Variants in PDE3A observed in about 807,000 individuals in gnomAD.
PDE3A encodes cGMP-inhibited 3',5'-cyclic phosphodiesterase 3A.
A neutral mutation model predicts 98.3 loss-of-function variants in PDE3A; 43 were observed. The observed-to-expected ratio is 0.44, with a 90% CI of 0.34 to 0.56. PDE3A has a LOEUF of 0.56. PDE3A is among the 20% of genes least tolerant of loss of function. PDE3A has a pLI of 0.01. For synonymous variants in PDE3A, 663 were observed against 567.9 expected, an observed-to-expected ratio of 1.17 and a Z score of -2.38; for missense variants, 1,427 against 1,440.7, an observed-to-expected ratio of 0.99 and a Z score of 0.15.
At chr12:20,419,688 ATAATT>A (rs568129653) in intron 1 of PDE3A, among the ~76,000 whole-genome samples, 62 of 151,700 alleles carry the variant, frequency 4.1e-4, no homozygotes, top group African/African-American at 1.4e-3. Context: ...TACTTAATAA[ATAATT>A]TATTTTAAAT....
At chr12:20,381,520 G>T (rs1391110956) in intron 1 of PDE3A, among the ~76,000 whole-genome samples, 2 of 151,822 alleles carry the variant, frequency 1.3e-5, no homozygotes, top group African/African-American at 4.8e-5. Context: ...TGGAAGCTGG[G>T]CAGGAAATCC....
chr12:20,398,730 T>A (rs1944066746), intron 1 of PDE3A, among the ~76,000 whole-genome samples: 1 of 152,262 alleles, frequency 6.6e-6, no homozygotes, highest in South Asian at 2.1e-4. Flanking sequence ...AAACCAAAAC[T>A]TTTGTTTACT....
intron 15 of PDE3A, among the ~76,000 whole-genome samples, chr12:20,662,059 A>G (rs1352582485): frequency 1.3e-5 from 2 of 152,200 alleles, no homozygotes; most frequent in Admixed American, 6.5e-5. Flanking sequence ...GCCCAACACT[A>G]TAGGATGCCC....
intron 1 of PDE3A, among the ~76,000 whole-genome samples, chr12:20,383,723 C>G (rs1297299295): frequency 1.3e-5 from 2 of 151,862 alleles, no homozygotes; most frequent in African/African-American, 4.8e-5. Flanking sequence ...TACAGACAGT[C>G]CATGGATTTC....
chr12:20,492,205 T>G (rs1945838833), intron 1 of PDE3A, among the ~76,000 whole-genome samples: 2 of 152,134 alleles, frequency 1.3e-5, no homozygotes, highest in Non-Finnish European at 2.9e-5. Context: ...GGTCTCAAAC[T>G]CCTTACCTCA....
chr12:20,463,405 T>C (rs1026041304), intron 1 of PDE3A, among the ~76,000 whole-genome samples: 1 of 152,176 alleles, frequency 6.6e-6, no homozygotes, highest in South Asian at 2.1e-4. Flanking sequence ...ATATTAAGTA[T>C]ATAGATAAGT....
chr12:20,488,426 C>T (rs1277382880), intron 1 of PDE3A, among the ~76,000 whole-genome samples: 2 of 152,132 alleles, frequency 1.3e-5, no homozygotes, highest in East Asian at 1.9e-4. Context: ...TTAAGCCGAC[C>T]TTCACTCACA....
At chr12:20,526,417 C>T (rs1354926744) in intron 1 of PDE3A, among the ~76,000 whole-genome samples, 1 of 152,066 alleles carries the variant, frequency 6.6e-6, no homozygotes, top group Non-Finnish European at 1.5e-5. Context: ...TGTCTGGGAT[C>T]TAAAAACTCA....
intron 1 of PDE3A, among the ~76,000 whole-genome samples, chr12:20,527,938 A>G (rs1249576530): frequency 4.0e-5 from 6 of 151,688 alleles, no homozygotes; most frequent in African/African-American, 1.5e-4. Flanking sequence ...AAAAAAAAGC[A>G]AAACTCAAAA....
intron 1 of PDE3A, chr12:20,551,660 G>A (rs1408927227): frequency 7.5e-6 from 12 of 1,600,582 alleles, no homozygotes; most frequent in Non-Finnish European, 1.0e-5. Flanking sequence ...CACATCTACT[G>A]CCTGGACCCG....
intron 1 of PDE3A, among the ~76,000 whole-genome samples, chr12:20,374,333 G>C (rs913390702): frequency 6.6e-6 from 1 of 152,042 alleles, no homozygotes; most frequent in African/African-American, 2.4e-5. Flanking sequence ...GAGGCTGGAA[G>C]GAGTGAAAAC....
intron 2 of PDE3A, among the ~76,000 whole-genome samples, chr12:20,588,488 A>G (rs1388643382): frequency 2.0e-5 from 3 of 152,182 alleles, no homozygotes; most frequent in African/African-American, 7.2e-5. Context: ...AGGACTTTTC[A>G]TGGATCGTGA....
At chr12:20,670,778 A>C (rs1176956643) in intron 15 of PDE3A, among the ~76,000 whole-genome samples, 1 of 137,122 alleles carries the variant, frequency 7.3e-6, no homozygotes, top group Non-Finnish European at 1.5e-5. Flanking sequence ...CTAACATCAC[A>C]ATTAAAAGAA....
chr12:20,661,040 A>G (rs1166750645), intron 15 of PDE3A, among the ~76,000 whole-genome samples: 1 of 152,194 alleles, frequency 6.6e-6, no homozygotes, highest in Non-Finnish European at 1.5e-5. Flanking sequence ...TTTGACAAAA[A>G]ATGCTGATAG....
Position 20,381,226 on chromosome 12 carries a change from T to A in PDE3A, c.960+10982T>A, listed in dbSNP as rs145817414. 4.1e-3 allele frequency among the ~76,000 whole-genome samples: 626 copies of A among 151,906 alleles called. 1 individual carries two copies. The highest frequency in any genetic ancestry group is 0.014 in the African/African-American group (592 of 41,500). On this transcript the variant is annotated intron_variant, in intron 1 of 15. Transcript: ENST00000359062. The stretch of plus-strand genomic sequence containing the variant: ...CTAGTCCTAATAAAAAGTGTGAGAA[T>A]TAGATTGGGAATGTTGGATACATAT...
At chr12:20,556,148 T>TA (rs1218756018) in intron 1 of PDE3A, among the ~76,000 whole-genome samples, 1 of 152,192 alleles carries the variant, frequency 6.6e-6, no homozygotes, top group Non-Finnish European at 1.5e-5. Context: ...AGGTTATTAT[T>TA]AAAAATCTAC....
At chr12:20,673,092 T>A (rs1237765458) in intron 15 of PDE3A, among the ~76,000 whole-genome samples, 4 of 151,174 alleles carry the variant, frequency 2.6e-5, no homozygotes, top group Middle Eastern at 3.2e-3. Context: ...AAAAAACACA[T>A]GAAAAAATGC....
intron 9 of PDE3A, 84 bp from the exon 10 acceptor site, chr12:20,639,762 G>A (rs570637341): frequency 2.3e-5 from 15 of 655,092 alleles, no homozygotes; most frequent in East Asian, 1.3e-4. Context: ...TTCCGTTACC[G>A]ATATTTACCT....
chr12:20,412,320 A>G (rs1363826064), intron 1 of PDE3A, among the ~76,000 whole-genome samples: 1 of 152,220 alleles, frequency 6.6e-6, no homozygotes, highest in East Asian at 1.9e-4. Flanking sequence ...CATGATTGCC[A>G]GTTTCTACCT....
Sources: allele counts gnomAD v4.1 joint callset (sites outside exome capture counted in the v4.1 genomes callset), GRCh38; gene constraint gnomAD v4.1.1; transcripts MANE v1.5; gene names NCBI Gene and HGNC (gene_info 2026-07-23, HGNC 2026-07-21).